LHFPL6: variants seen among roughly 807,000 people sequenced by gnomAD.
LHFPL6 encodes LHFPL tetraspan subfamily member 6 protein.
A neutral mutation model predicts 20.6 loss-of-function variants in LHFPL6; 9 were observed. That is an observed-to-expected ratio of 0.44 (90% CI 0.26 to 0.76). The LOEUF (loss-of-function observed/expected upper bound fraction) is 0.76, where lower values mean the gene tolerates loss of function less well. Ranked by LOEUF, LHFPL6 falls within the 30% of genes least tolerant of loss-of-function variation. The pLI is 0.20. For missense variants in LHFPL6, 218 were observed against 253.5 expected (o/e 0.86, Z 0.95); for synonymous variants, 105 against 98.7 (o/e 1.06, Z -0.38).
intron 3 of LHFPL6, among the ~76,000 whole-genome samples, chr13:39,377,173 C>T (rs1870311390): frequency 6.6e-6 from 1 of 152,208 alleles, no homozygotes; most frequent in Non-Finnish European, 1.5e-5. Context: ...TTTGTCCAAT[C>T]ATACTTTTCC....
chr13:39,556,470 C>A (rs565062230), intron 2 of LHFPL6, among the ~76,000 whole-genome samples: 1 of 152,264 alleles, frequency 6.6e-6, no homozygotes, highest in Admixed American at 6.5e-5. Flanking sequence ...CCCTGTTACA[C>A]CCTGGCGAAG....
At chr13:39,425,630 T>C (rs1302410492) in intron 2 of LHFPL6, among the ~76,000 whole-genome samples, 1 of 152,230 alleles carries the variant, frequency 6.6e-6, no homozygotes, top group African/African-American at 2.4e-5. Flanking sequence ...TAATATCTAA[T>C]GATGTGGAGC....
At chr13:39,474,863 T>G (rs1340959575) in intron 2 of LHFPL6, among the ~76,000 whole-genome samples, 1 of 151,818 alleles carries the variant, frequency 6.6e-6, no homozygotes, top group Non-Finnish European at 1.5e-5. Context: ...GGAGAGACCC[T>G]AACAGCCCAT....
At chr13:39,402,771 A>C (rs1041952444) in intron 2 of LHFPL6, among the ~76,000 whole-genome samples, 1 of 152,252 alleles carries the variant, frequency 6.6e-6, no homozygotes, top group African/African-American at 2.4e-5. Flanking sequence ...AGAAGGCTTC[A>C]TAAATATCTC....
intron 2 of LHFPL6, among the ~76,000 whole-genome samples, chr13:39,577,140 T>C (rs1872141234): frequency 1.3e-5 from 2 of 152,050 alleles, no homozygotes; most frequent in Admixed American, 6.5e-5. Flanking sequence ...CTTAGAAAAA[T>C]ACTTAAGTGC....
intron 2 of LHFPL6, among the ~76,000 whole-genome samples, chr13:39,557,883 A>C (rs1052558849): frequency 6.6e-6 from 1 of 152,114 alleles, no homozygotes; most frequent in Admixed American, 6.5e-5. Context: ...TTTATGCAAG[A>C]TGTGGTTGTT....
At position 39,343,144 on chromosome 13, in the gene LHFPL6, A is replaced by G. The variant is rs1869292231; in HGVS notation, c.*792T>C. ...ATATCATAGCAGAAGCTACTCAGAG[A>G]AATATTGCATATTGTGGAATAACAT... On this transcript the variant is annotated 3_prime_UTR_variant, in exon 4 of 4. Coordinates refer to ENST00000379589, the MANE Select transcript of LHFPL6 (RefSeq NM_005780.3). 2 of 205,020 alleles carry G rather than the reference A, an allele frequency of 9.8e-6. No homozygotes were observed. Among genetic ancestry groups the G allele is most frequent in the South Asian group, 3.8e-4 (2 of 5,280 alleles). The allele number at this position is 205,020 out of a possible 1,614,324, so 12.7% of individuals were successfully genotyped here.
chr13:39,433,816 C>T (rs1448306023), intron 2 of LHFPL6, among the ~76,000 whole-genome samples: 1 of 152,160 alleles, frequency 6.6e-6, no homozygotes, highest in Non-Finnish European at 1.5e-5. Context: ...CCCACCCTGG[C>T]CCTGTAAACC....
At position 39,602,749 on chromosome 13, in the gene LHFPL6, C is replaced by CA. The variant is rs1873001790; in HGVS notation, c.-175+133dup. The CA allele has an allele frequency of 2.0e-5, 3 of 152,502 alleles. No individual in the cohort carries two copies. The South Asian group carries it at 6.2e-4, about 32-fold the overall frequency. The allele number at this position is 152,502 out of a possible 1,614,324, so 9.4% of individuals were successfully genotyped here. A position where few individuals can be genotyped will look rare whatever the true frequency, so the allele number is the denominator to read the frequency against. On this transcript the variant is annotated intron_variant, in intron 1 of 3. Coordinates refer to ENST00000379589, the MANE Select transcript of LHFPL6 (RefSeq NM_005780.3). ...GCCAAGAGCGGACGCGGCTGGCAGG[C>CA]AGAGCCGACGGATCCGCCGAGCTCA...
At chr13:39,567,048 TTTTG>T (rs1360163472) in intron 2 of LHFPL6, among the ~76,000 whole-genome samples, 1 of 150,962 alleles carries the variant, frequency 6.6e-6, no homozygotes, top group Non-Finnish European at 1.5e-5. Context: ...TTTTTTTCAT[TTTTG>T]TTTTTGTTTT....
chr13:39,489,462 A>G (rs2138452262), intron 2 of LHFPL6, among the ~76,000 whole-genome samples: 1 of 152,238 alleles, frequency 6.6e-6, no homozygotes, highest in African/African-American at 2.4e-5. Context: ...CTTAATCTTA[A>G]AATATATAGA....
intron 2 of LHFPL6, among the ~76,000 whole-genome samples, chr13:39,506,865 CATTCCCTTAT>C: frequency 6.6e-6 from 1 of 152,290 alleles, no homozygotes; most frequent in Non-Finnish European, 1.5e-5. Flanking sequence ...TGAAACATGA[CATTCCCTTAT>C]TAAATTCTGA....
intron 2 of LHFPL6, among the ~76,000 whole-genome samples, chr13:39,510,179 A>T (rs963331985): frequency 1.3e-5 from 2 of 152,222 alleles, no homozygotes; most frequent in African/African-American, 2.4e-5. Context: ...CTATACAATC[A>T]AAGCACTTCA....
At chr13:39,345,150 T>A (rs1593278795) in intron 3 of LHFPL6, among the ~76,000 whole-genome samples, 1 of 152,290 alleles carries the variant, frequency 6.6e-6, no homozygotes, top group South Asian at 2.1e-4. Context: ...TGCTTTGCAT[T>A]ACATTAGATA....
intron 2 of LHFPL6, among the ~76,000 whole-genome samples, chr13:39,562,683 C>CATATATAT (rs112927123): frequency 8.1e-5 from 12 of 148,288 alleles, no homozygotes; most frequent in Non-Finnish European, 1.5e-4. Flanking sequence ...CATATATACA[C>CATATATAT]ACACACACAC....
chr13:39,345,982 G>T (rs1258527611), intron 3 of LHFPL6, among the ~76,000 whole-genome samples: 1 of 152,124 alleles, frequency 6.6e-6, no homozygotes, highest in Non-Finnish European at 1.5e-5. Flanking sequence ...CTCACCCTGT[G>T]GGGTGGGGTT....
chr13:39,554,847 C>T (rs1198497992), intron 2 of LHFPL6, among the ~76,000 whole-genome samples: 1 of 152,198 alleles, frequency 6.6e-6, no homozygotes, highest in Non-Finnish European at 1.5e-5. Context: ...TTAACCTCTA[C>T]TTAGTCAAGT....
At chr13:39,464,375 C>A (rs12583364) in intron 2 of LHFPL6, among the ~76,000 whole-genome samples, 1 of 151,942 alleles carries the variant, frequency 6.6e-6, no homozygotes, top group Non-Finnish European at 1.5e-5. Flanking sequence ...ATATTTGACC[C>A]AGACCAACAA....
chr13:39,592,817 C>A (rs905927796), intron 2 of LHFPL6, among the ~76,000 whole-genome samples: 2 of 152,150 alleles, frequency 1.3e-5, no homozygotes, highest in Admixed American at 1.3e-4. Flanking sequence ...GCTGGTTCAA[C>A]ATATGCAAAT....
Sources: allele counts gnomAD v4.1 joint callset (sites outside exome capture counted in the v4.1 genomes callset), GRCh38; gene constraint gnomAD v4.1.1; transcripts MANE v1.5; gene names NCBI Gene and HGNC (gene_info 2026-07-23, HGNC 2026-07-21).